The following CHST11 variants were observed in gnomAD, a reference collection of about 807,000 sequenced individuals.
CHST11 encodes C4S-1.
A neutral mutation model predicts 30.4 loss-of-function variants in CHST11; 9 were observed. That is an observed-to-expected ratio of 0.30 (90% CI 0.18 to 0.52). The LOEUF (loss-of-function observed/expected upper bound fraction) is 0.52. Ranked by LOEUF, CHST11 falls within the 20% of genes least tolerant of loss-of-function variation. CHST11 has a pLI of 0.97. For synonymous variants in CHST11, 152 were observed against 187.8 expected (o/e 0.81, Z 1.56); for missense variants, 348 against 460.6 (o/e 0.76, Z 2.24).
chr12:104,751,075 A>G (rs183073756), intron 2 of CHST11, among the ~76,000 whole-genome samples: 85 of 152,294 alleles, frequency 5.6e-4, no homozygotes, highest in African/African-American at 2.0e-3. Context: ...CTCAAATACC[A>G]GGTTTAAAAG....
intron 1 of CHST11, among the ~76,000 whole-genome samples, chr12:104,457,736 C>T (rs553217559): frequency 2.6e-5 from 4 of 151,384 alleles, no homozygotes; most frequent in Admixed American, 6.6e-5. Context: ...GCTTCGCCCT[C>T]TTCTTCCTAC....
chr12:104,507,210 G>A (rs745912886), intron 1 of CHST11, among the ~76,000 whole-genome samples: 8 of 152,174 alleles, frequency 5.3e-5, no homozygotes, highest in Non-Finnish European at 1.2e-4. Context: ...TGTGAAGTGC[G>A]AGCAGATGGT....
chr12:104,562,717 A>G (rs1324555289), intron 1 of CHST11, among the ~76,000 whole-genome samples: 1 of 152,156 alleles, frequency 6.6e-6, no homozygotes, highest in African/African-American at 2.4e-5. Flanking sequence ...AGGACCAGAA[A>G]GCCTGCCTGC....
At chr12:104,652,763 G>T (rs770405247) in intron 2 of CHST11, among the ~76,000 whole-genome samples, 1 of 152,198 alleles carries the variant, frequency 6.6e-6, no homozygotes, top group East Asian at 1.9e-4. Flanking sequence ...GATGAGTCTT[G>T]TTGGTTTCGA....
chr12:104,491,659 A>G (rs1266387658), intron 1 of CHST11, among the ~76,000 whole-genome samples: 4 of 152,144 alleles, frequency 2.6e-5, no homozygotes, highest in Non-Finnish European at 2.9e-5. Context: ...TTTTTTTTCA[A>G]TAGAGACAGT....
intron 2 of CHST11, among the ~76,000 whole-genome samples, chr12:104,621,704 C>T (rs1469050384): frequency 2.0e-5 from 3 of 152,226 alleles, no homozygotes; most frequent in Non-Finnish European, 4.4e-5. Context: ...AACAGATTTT[C>T]CCTTGGAGCC....
At chr12:104,646,655 C>T (rs11112142) in intron 2 of CHST11, among the ~76,000 whole-genome samples, 36,471 of 151,998 alleles carry the variant, frequency 0.24, 4,885 homozygotes, top group East Asian at 0.52. Flanking sequence ...GCCGAGATTG[C>T]GCCACTGCAC....
At chr12:104,714,144 G>T (rs2040110363) in intron 2 of CHST11, among the ~76,000 whole-genome samples, 1 of 152,198 alleles carries the variant, frequency 6.6e-6, no homozygotes, top group Admixed American at 6.5e-5. Flanking sequence ...GTATCTCAAA[G>T]GTCAGAGCAT....
At chr12:104,696,656 A>C (rs1244764365) in intron 2 of CHST11, among the ~76,000 whole-genome samples, 1 of 152,014 alleles carries the variant, frequency 6.6e-6, no homozygotes, top group Non-Finnish European at 1.5e-5. Context: ...ACAGAGTGAG[A>C]CTCGGTCTCA....
rs1349695138 is a variant in CHST11 at position 104,676,673 on chromosome 12, G to T, written c.204+74682G>T. Among the ~76,000 whole-genome samples the T allele has an allele frequency of 6.6e-6, 1 of 152,214 alleles. No homozygotes were observed. The highest frequency in any genetic ancestry group is 1.5e-5 in the Non-Finnish European group (1 of 68,034). On this transcript the variant is annotated intron_variant, in intron 2 of 2. Transcript: ENST00000303694. The surrounding 1 kb of genome is among the most constrained non-coding windows in gnomAD (Gnocchi z 4.4). The stretch of plus-strand genomic sequence containing the variant: ...TGTGATCGGCCTCCCAAAGTGTTGG[G>T]ATTACAGGCATGAGCCACTGCACCC...
chr12:104,513,797 A>G (rs2037993493), intron 1 of CHST11, among the ~76,000 whole-genome samples: 1 of 152,222 alleles, frequency 6.6e-6, no homozygotes, highest in Admixed American at 6.5e-5. Context: ...AGGTCTTTGT[A>G]TTCATTATTG....
chr12:104,757,726 A>C lies in CHST11; in HGVS notation c.982A>C (p.Thr328Pro). Residue 328 changes from threonine to proline, a missense_variant, in exon 3 of 3, where the codon ACG (threonine) becomes CCG (proline). This residue lies in a region of CHST11 where 210 missense variants were observed against 287.2 expected (regional missense o/e 0.73). Coordinates refer to ENST00000303694, the MANE Select transcript of CHST11 (RefSeq NM_018413.6). The surrounding 1 kb of genome is among the most constrained non-coding windows in gnomAD (Gnocchi z 6.5). Reference protein sequence around the residue: ...FFQNISSEHQTQLYEVYKLDF... With the variant: ...FFQNISSEHQPQLYEVYKLDF... Reference sequence around the variant, plus strand: ...CCAGAACATCAGCTCAGAGCACCAAACGCAGCTGTACGAAGTCTACAAACT... The same window carrying C: ...CCAGAACATCAGCTCAGAGCACCAACCGCAGCTGTACGAAGTCTACAAACT... 2 of 1,614,138 alleles carry C rather than the reference A, an allele frequency of 1.2e-6. No homozygotes were observed. The highest frequency in any genetic ancestry group is 1.7e-6 in the Non-Finnish European group (2 of 1,180,020).
At chr12:104,715,323 G>A (rs185110064) in intron 2 of CHST11, among the ~76,000 whole-genome samples, 3 of 152,272 alleles carry the variant, frequency 2.0e-5, no homozygotes, top group East Asian at 1.9e-4. Flanking sequence ...GCAGTGAGCC[G>A]AGATCATGCC....
chr12:104,585,327 TCC>T (rs1345193531), intron 1 of CHST11, among the ~76,000 whole-genome samples: 1 of 152,204 alleles, frequency 6.6e-6, no homozygotes, highest in African/African-American at 2.4e-5. Context: ...GTGCAACAGC[TCC>T]TCTCTGATTT....
chr12:104,524,039 C>CTTTT (rs10594720), intron 1 of CHST11, among the ~76,000 whole-genome samples: 7 of 128,030 alleles, frequency 5.5e-5, no homozygotes, highest in Admixed American at 7.8e-5. Context: ...TTCTTTCTTT[C>CTTTT]TTTTTTTTTT....
At chr12:104,705,230 C>T (rs1343003127) in intron 2 of CHST11, among the ~76,000 whole-genome samples, 3 of 152,090 alleles carry the variant, frequency 2.0e-5, no homozygotes, top group Non-Finnish European at 4.4e-5. Flanking sequence ...TAAGTGGAAG[C>T]GTCATGGCCT....
intron 2 of CHST11, among the ~76,000 whole-genome samples, chr12:104,725,679 A>G (rs773673133): frequency 6.6e-6 from 1 of 152,110 alleles, no homozygotes; most frequent in African/African-American, 2.4e-5. Context: ...TCAGGGGCAC[A>G]TAGGTCTTGT....
intron 2 of CHST11, among the ~76,000 whole-genome samples, chr12:104,691,249 G>A (rs2039893876): frequency 6.6e-6 from 1 of 152,138 alleles, no homozygotes; most frequent in Non-Finnish European, 1.5e-5. Context: ...AGCTCTGGAT[G>A]GGCTGTGAGG....
chr12:104,565,092 A>G (rs2038549130), intron 1 of CHST11, among the ~76,000 whole-genome samples: 1 of 151,922 alleles, frequency 6.6e-6, no homozygotes, highest in African/African-American at 2.4e-5. Flanking sequence ...TTTTCCCCCC[A>G]ATAAGATAAT....
Sources: gnomAD v4.1 joint callset for allele counts (sites outside exome capture counted in the v4.1 genomes callset) on GRCh38, gnomAD v4.1.1 for gene constraint, gnomAD v4.1.1 regional missense constraint, Gnocchi (gnomAD v3.1) non-coding constraint, MANE v1.5 for transcripts, NCBI Gene and HGNC (gene_info 2026-07-23, HGNC 2026-07-21) for gene names.